BMP5: variants seen among roughly 807,000 people sequenced by gnomAD.
BMP5 encodes bone morphogenetic protein 5.
In BMP5, 23 loss-of-function variants were observed where a neutral mutation model predicts 46.6. That is an observed-to-expected ratio of 0.49 (90% CI 0.35 to 0.70). BMP5 has a LOEUF of 0.70. Ranked by LOEUF, BMP5 falls within the 30% of genes least tolerant of loss-of-function variation. BMP5 has a pLI of 0.00. For missense variants in BMP5, 545 were observed against 565.6 expected, an observed-to-expected ratio of 0.96 and a Z score of 0.37; for synonymous variants, 204 against 191.9, an observed-to-expected ratio of 1.06 and a Z score of -0.52.
At chr6:55,859,700 G>A (rs1777484832) in intron 1 of BMP5, among the ~76,000 whole-genome samples, 1 of 152,100 alleles carries the variant, frequency 6.6e-6, no homozygotes, top group African/African-American at 2.4e-5. Flanking sequence ...ACATAAAAGT[G>A]ACTACAATGT....
At chr6:55,802,035 T>G (rs567985375) in intron 2 of BMP5, among the ~76,000 whole-genome samples, 2 of 152,164 alleles carry the variant, frequency 1.3e-5, no homozygotes, top group African/African-American at 4.8e-5. Flanking sequence ...GTAACCAATA[T>G]AGCAAGGATG....
intron 2 of BMP5, among the ~76,000 whole-genome samples, chr6:55,799,298 A>G (rs745828929): frequency 2.0e-5 from 3 of 152,214 alleles, no homozygotes; most frequent in Non-Finnish European, 2.9e-5. Flanking sequence ...ATTTTGACCT[A>G]TGAGTTTTGG....
chr6:55,798,639 A>G (rs1775772764), intron 2 of BMP5, among the ~76,000 whole-genome samples: 1 of 152,220 alleles, frequency 6.6e-6, no homozygotes, highest in Non-Finnish European at 1.5e-5. Flanking sequence ...AGTATCAAAT[A>G]AGCTTATCAG....
intron 3 of BMP5, among the ~76,000 whole-genome samples, chr6:55,776,416 T>C (rs1582055199): frequency 1.3e-5 from 2 of 151,748 alleles, no homozygotes; most frequent in African/African-American, 2.4e-5. Context: ...TGAAATTGGT[T>C]TAAGATGTTT....
chr6:55,800,905 C>T (rs1775835539), intron 2 of BMP5, among the ~76,000 whole-genome samples: 2 of 152,124 alleles, frequency 1.3e-5, no homozygotes, highest in African/African-American at 4.8e-5. Context: ...ACTCCCAAAC[C>T]ATAACTCAAT....
intron 2 of BMP5, among the ~76,000 whole-genome samples, chr6:55,810,796 G>A: frequency 6.6e-6 from 1 of 152,162 alleles, no homozygotes; most frequent in East Asian, 1.9e-4. Flanking sequence ...CACTCTGTGA[G>A]GCAGAGGAGC....
chr6:55,756,843 C>T (rs7769866), intron 6 of BMP5, among the ~76,000 whole-genome samples: 2,025 of 152,018 alleles, frequency 0.013, 43 homozygotes, highest in African/African-American at 0.046. Flanking sequence ...GATAATCCTG[C>T]TGTTTCAATG....
chr6:55,843,699 A>G (rs2023523), intron 1 of BMP5, among the ~76,000 whole-genome samples: 65,711 of 151,848 alleles, frequency 0.43, 14,702 homozygotes, highest in African/African-American at 0.54. Context: ...TTTCTGGTAT[A>G]CTATCATATC....
At chr6:55,796,335 G>T (rs972231473) in intron 2 of BMP5, among the ~76,000 whole-genome samples, 2 of 151,818 alleles carry the variant, frequency 1.3e-5, no homozygotes, top group Admixed American at 6.6e-5. Context: ...TCATTTCAAT[G>T]ATATTTTCTA....
intron 2 of BMP5, among the ~76,000 whole-genome samples, chr6:55,795,549 T>C (rs563459590): frequency 3.3e-5 from 5 of 151,688 alleles, no homozygotes; most frequent in African/African-American, 1.2e-4. Flanking sequence ...GCTTACAAAA[T>C]GTGAAAACAC....
chr6:55,857,507 T>G (rs867174775), intron 1 of BMP5, among the ~76,000 whole-genome samples: 1 of 152,212 alleles, frequency 6.6e-6, no homozygotes, highest in Non-Finnish European at 1.5e-5. Context: ...AAGTGGGTTA[T>G]GAATATCCTA....
intron 1 of BMP5, among the ~76,000 whole-genome samples, chr6:55,848,716 C>A (rs1335723445): frequency 6.6e-6 from 1 of 151,878 alleles, no homozygotes; most frequent in African/African-American, 2.4e-5. Context: ...TCTATGTGAT[C>A]TTTAGTCTCT....
At chr6:55,774,863 G>A (rs1775135330) in intron 3 of BMP5, among the ~76,000 whole-genome samples, 2 of 151,910 alleles carry the variant, frequency 1.3e-5, no homozygotes, top group South Asian at 4.1e-4. Context: ...GGCAAAAACT[G>A]CAATTACCTT....
intron 1 of BMP5, among the ~76,000 whole-genome samples, chr6:55,866,947 A>G: frequency 6.6e-6 from 1 of 152,186 alleles, no homozygotes; most frequent in East Asian, 1.9e-4. Context: ...TAACATATAT[A>G]TCAGTAACTT....
chr6:55,838,276 C>G (rs1776871716), intron 1 of BMP5, among the ~76,000 whole-genome samples: 1 of 152,156 alleles, frequency 6.6e-6, no homozygotes, highest in African/African-American at 2.4e-5. Flanking sequence ...ACCAGGGTTC[C>G]CTTTTCTCCA....
chr6:55,784,950 C>T lies in BMP5; in HGVS notation c.832+9329G>A, dbSNP rs574526562. On this transcript the variant is annotated intron_variant, in intron 3 of 6. Coordinates refer to ENST00000370830, the MANE Select transcript of BMP5 (RefSeq NM_021073.4). Reference sequence around the variant, plus strand: ...GATTTATTCTTAAGCTACATTTACTCGTGTACAAAATGGGTTAAGAAGAAG... The same window carrying T: ...GATTTATTCTTAAGCTACATTTACTTGTGTACAAAATGGGTTAAGAAGAAG... 2.6e-5 allele frequency among the ~76,000 whole-genome samples: 4 copies of T among 151,784 alleles called. No individual in the cohort carries two copies. In the South Asian group the frequency reaches 8.3e-4, roughly 32 times the overall value.
intron 1 of BMP5, among the ~76,000 whole-genome samples, chr6:55,862,094 A>C (rs970148868): frequency 3.5e-4 from 54 of 152,362 alleles, no homozygotes; most frequent in African/African-American, 1.2e-3. Context: ...AGAAGAAATC[A>C]TTAAGGTCTT....
At chr6:55,767,942 C>G (rs1774954633) in intron 4 of BMP5, among the ~76,000 whole-genome samples, 1 of 151,804 alleles carries the variant, frequency 6.6e-6, no homozygotes, top group Non-Finnish European at 1.5e-5. Context: ...TAATTAAAAG[C>G]ATATAACAAA....
In BMP5 at chr6:55,874,642, G is replaced by A; in HGVS notation, c.224C>T (p.Ser75Phe). 6.2e-7 allele frequency: 1 copy of A among 1,613,590 alleles called. No individual in the cohort carries two copies. The highest frequency in any genetic ancestry group is 8.5e-7 in the Non-Finnish European group (1 of 1,179,716). ...PRPFSPGKQA[S>F]SAPLFMLDLY... is the part of the protein sequence containing the mutation. ...ATCCAGCATAAAGAGAGGTGCAGAG[G>A]ACGCTTGTTTTCCAGGTGAAAATGG... The change falls in exon 1 of 7, where the codon TCC becomes TTC. Residue 75 changes from serine (S) to phenylalanine (F), a missense_variant. Coordinates refer to ENST00000370830, the MANE Select transcript of BMP5 (RefSeq NM_021073.4).
Sources: gnomAD v4.1 joint callset for allele counts (sites outside exome capture counted in the v4.1 genomes callset) on GRCh38, gnomAD v4.1.1 for gene constraint, MANE v1.5 for transcripts, NCBI Gene and HGNC (gene_info 2026-07-23, HGNC 2026-07-21) for gene names.